Variants in CATSPERB observed in about 807,000 individuals in gnomAD.
CATSPERB encodes cation channel sperm-associated auxiliary subunit beta.
In CATSPERB, 93 loss-of-function variants were observed where a neutral mutation model predicts 128.3. That is an observed-to-expected ratio of 0.72 (90% CI 0.61 to 0.86). The LOEUF is 0.86. Among genes scored for constraint, CATSPERB ranks in the 40% least tolerant of loss-of-function variants. The probability of loss-of-function intolerance (pLI) is 0.00; values close to 1 mark genes in which losing one functional copy is unlikely to be tolerated. For synonymous variants in CATSPERB, 381 were observed against 448.8 expected (o/e 0.85, Z 1.91); for missense variants, 1,153 against 1,329.5 (o/e 0.87, Z 2.06).
intron 17 of CATSPERB, chr14:91,635,437 A>G (rs983694212): frequency 1.3e-5 from 2 of 151,930 alleles, no homozygotes; most frequent in African/African-American, 2.4e-5. Flanking sequence ...GCTCGCTGCA[A>G]CCTCGGCCTC....
intron 21 of CATSPERB, among the ~76,000 whole-genome samples, chr14:91,608,775 A>T (rs1441402892): frequency 1.3e-5 from 2 of 152,216 alleles, no homozygotes; most frequent in Non-Finnish European, 2.9e-5. Flanking sequence ...GCAACATTTT[A>T]TATTTAAAAA....
intron 15 of CATSPERB, among the ~76,000 whole-genome samples, chr14:91,650,640 A>C (rs952704278): frequency 6.6e-5 from 10 of 152,042 alleles, no homozygotes; most frequent in Non-Finnish European, 1.5e-4. Flanking sequence ...TAAAAAAATT[A>C]ATGTCATTAT....
At chr14:91,589,446 G>C in intron 24 of CATSPERB, 88 bp downstream of exon 24, 1 of 1,327,710 alleles carries the variant, frequency 7.5e-7, no homozygotes, top group Non-Finnish European at 1.0e-6. Flanking sequence ...TCTTTTGTGT[G>C]AACAGGCTTT....
chr14:91,665,627 T>C (rs963080348), intron 14 of CATSPERB, among the ~76,000 whole-genome samples: 18 of 152,142 alleles, frequency 1.2e-4, no homozygotes, highest in African/African-American at 3.9e-4. Flanking sequence ...CCCAGCACTT[T>C]GGGAGGCGAA....
chr14:91,613,601 C>T (rs1407364494), intron 20 of CATSPERB, among the ~76,000 whole-genome samples: 1 of 152,306 alleles, frequency 6.6e-6, no homozygotes, highest in South Asian at 2.1e-4. Context: ...ATGCTGCCCA[C>T]TGATTGCAGG....
intron 1 of CATSPERB, among the ~76,000 whole-genome samples, chr14:91,731,251 T>C: frequency 6.6e-6 from 1 of 152,218 alleles, no homozygotes; most frequent in East Asian, 1.9e-4. Context: ...TTATCTGCCA[T>C]CCTGCAAGCT....
At chr14:91,707,491 T>A (rs1420353368) in intron 6 of CATSPERB, among the ~76,000 whole-genome samples, 1 of 151,978 alleles carries the variant, frequency 6.6e-6, no homozygotes, top group African/African-American at 2.4e-5. Flanking sequence ...ACTACTTACT[T>A]TTTTGGAATA....
chr14:91,715,552 C>CAAAAA (rs57554614), intron 5 of CATSPERB, among the ~76,000 whole-genome samples: 5 of 45,608 alleles, frequency 1.1e-4, no homozygotes, highest in Admixed American at 2.2e-4. Flanking sequence ...GACTCCATCT[C>CAAAAA]AAAAAAAAAA....
intron 17 of CATSPERB, chr14:91,636,178 C>T (rs4291854): frequency 0.55 from 205,769 of 371,776 alleles, 58,538 homozygotes; most frequent in East Asian, 0.75. Flanking sequence ...GCCTGGGCAA[C>T]ATGGTGAAAC....
intron 6 of CATSPERB, among the ~76,000 whole-genome samples, chr14:91,706,790 A>C (rs1237780330): frequency 1.3e-5 from 2 of 152,164 alleles, no homozygotes; most frequent in Non-Finnish European, 2.9e-5. Context: ...TAAGAAATCC[A>C]GGCATCATCC....
intron 17 of CATSPERB, among the ~76,000 whole-genome samples, chr14:91,635,284 G>A (rs1595157184): frequency 6.6e-6 from 1 of 152,178 alleles, no homozygotes; most frequent in East Asian, 1.9e-4. Flanking sequence ...ACAGCAGTGA[G>A]TTTCTGGTAA....
intron 14 of CATSPERB, among the ~76,000 whole-genome samples, chr14:91,660,845 A>C (rs912814584): frequency 6.6e-6 from 1 of 152,196 alleles, no homozygotes; most frequent in African/African-American, 2.4e-5. Context: ...ATCGGTTTGA[A>C]AATTCGAAGC....
chr14:91,583,045 A>T (rs537443021), intron 26 of CATSPERB, among the ~76,000 whole-genome samples: 1 of 152,220 alleles, frequency 6.6e-6, no homozygotes, highest in South Asian at 2.1e-4. Flanking sequence ...CCATATCTGT[A>T]CCTGGTCTCT....
chr14:91,659,384 T>C (rs972528216), intron 15 of CATSPERB, among the ~76,000 whole-genome samples: 1 of 152,226 alleles, frequency 6.6e-6, no homozygotes, highest in African/African-American at 2.4e-5. Context: ...ATAAACTTGA[T>C]CAATGAAAGC....
In CATSPERB at chr14:91,589,625, C is replaced by G; in HGVS notation, c.2865G>C (p.Leu955Phe). 5 of 1,613,536 alleles carry G rather than the reference C, an allele frequency of 3.1e-6. No homozygotes were observed. The highest frequency in any genetic ancestry group is 4.2e-6 in the Non-Finnish European group (5 of 1,179,612). The change falls in exon 24 of 27, where the codon TTG becomes TTC. Residue 955 changes from leucine to phenylalanine, a missense_variant. Transcript: ENST00000256343. ...KFPITQYPVSLEIINEDGRVP... is the reference protein window; with the variant it reads ...KFPITQYPVSFEIINEDGRVP... The stretch of plus-strand genomic sequence containing the variant: ...CACGTCCATCCTCGTTGATAATTTC[C>G]AAAGAAACTGGATATTGTGTAATTG...
chr14:91,596,675 G>T (rs1295712137), intron 22 of CATSPERB, among the ~76,000 whole-genome samples: 1 of 152,108 alleles, frequency 6.6e-6, no homozygotes, highest in Non-Finnish European at 1.5e-5. Context: ...TACTGATAAT[G>T]TACACTAAGT....
intron 3 of CATSPERB, among the ~76,000 whole-genome samples, chr14:91,724,665 G>A (rs1294499800): frequency 6.6e-6 from 1 of 152,010 alleles, no homozygotes; most frequent in Non-Finnish European, 1.5e-5. Context: ...TGAATCAAAG[G>A]ATCATATCAT....
At chr14:91,592,334 G>T in intron 22 of CATSPERB, 1 of 320,232 alleles carries the variant, frequency 3.1e-6, no homozygotes, top group Admixed American at 4.9e-5. Context: ...CCAGTGCAGG[G>T]ATCCAGACGG....
chr14:91,583,947 A>G (rs1303680776), intron 26 of CATSPERB, among the ~76,000 whole-genome samples: 2 of 152,088 alleles, frequency 1.3e-5, no homozygotes, highest in Non-Finnish European at 2.9e-5. Context: ...ATTCACTGGC[A>G]TGTTAATACT....
Sources: gnomAD v4.1 joint callset for allele counts (sites outside exome capture counted in the v4.1 genomes callset) on GRCh38, gnomAD v4.1.1 for gene constraint, MANE v1.5 for transcripts, NCBI Gene and HGNC (gene_info 2026-07-23, HGNC 2026-07-21) for gene names.